Variants in CDH22 observed in about 807,000 individuals in gnomAD.
CDH22 encodes the protein cadherin-22.
CDH22 carries 30 observed loss-of-function variants against 58.4 expected under a neutral mutation model. The observed-to-expected ratio is 0.51, with a 90% CI of 0.38 to 0.70. CDH22 has a LOEUF of 0.70. Ranked by LOEUF, CDH22 falls within the 30% of genes least tolerant of loss-of-function variation. The pLI is 0.00. For synonymous variants in CDH22, 513 were observed against 558.2 expected (o/e 0.92, Z 1.14); for missense variants, 1,014 against 1,233.9 (o/e 0.82, Z 2.67).
intron 4 of CDH22, among the ~76,000 whole-genome samples, chr20:46,223,819 TTCCTTCCTTCC>T (rs2086151409): frequency 4.2e-4 from 1 of 2,380 alleles, no homozygotes; most frequent in Admixed American, 3.0e-3. Flanking sequence ...TCTTCCTTTC[TTCCTTCCTTCC>T]TTCCTTCCTT....
At chr20:46,227,350 C>T (rs1427927829) in intron 4 of CDH22, among the ~76,000 whole-genome samples, 158 bp downstream of exon 4, 1 of 152,188 alleles carries the variant, frequency 6.6e-6, no homozygotes, top group Non-Finnish European at 1.5e-5. Flanking sequence ...TCCCTCTCCG[C>T]GACCCTGGAC....
intron 4 of CDH22, among the ~76,000 whole-genome samples, chr20:46,226,993 A>G (rs1435185226): frequency 6.6e-6 from 1 of 152,218 alleles, no homozygotes; most frequent in East Asian, 1.9e-4. Flanking sequence ...TAAGCAAGAA[A>G]GAAGCCACTC....
chr20:46,181,794 T>TC (rs1320585060), intron 10 of CDH22, among the ~76,000 whole-genome samples: 1,517 of 112,974 alleles, frequency 0.013, 86 homozygotes, highest in African/African-American at 0.021. Context: ...TTTCTTTCTT[T>TC]TCTCTCTCTT....
At chr20:46,285,324 A>G (rs1448313763) in intron 1 of CDH22, among the ~76,000 whole-genome samples, 2 of 152,180 alleles carry the variant, frequency 1.3e-5, no homozygotes, top group Non-Finnish European at 2.9e-5. Flanking sequence ...CTCCCCCACC[A>G]CAATGTAGAC....
In CDH22 at chr20:46,194,021, C is replaced by T. The variant is rs1440116717; in HGVS notation, c.1423+5402G>A. On this transcript the variant is annotated intron_variant, in intron 8 of 11. Transcript: ENST00000537909. ...AACAAACAAACAAACAAAAACCACA[C>T]ACACAAAAACAAAAAAATAGATGTC... Among the ~76,000 whole-genome samples, 7 of 152,252 alleles carry T rather than the reference C, an allele frequency of 4.6e-5. No individual in the cohort carries two copies. In the East Asian group the frequency reaches 7.7e-4, roughly 17 times the overall value.
rs2085730619 is a variant in CDH22, at chr20:46,175,307, A to G, written c.1916-230T>C. Among the ~76,000 whole-genome samples the G allele has an allele frequency of 2.6e-5, 4 of 152,298 alleles. No homozygotes were observed. The South Asian group carries it at 8.3e-4, about 32-fold the overall frequency. On this transcript the variant is annotated intron_variant, in intron 11 of 11. Transcript: ENST00000537909. ...CTCGGGAGGTATGCAAATCGAGGCT[A>G]GATTACTCTGGGGTGGAGGTGGCCA...
Position 46,223,679 on chromosome 20 carries a change from TTC to T in CDH22, c.670+3827_670+3828del, listed in dbSNP as rs1268744092. 2.8e-3 allele frequency among the ~76,000 whole-genome samples: 194 copies of T among 68,304 alleles called. 2 individuals carry two copies. The highest frequency in any genetic ancestry group is 0.024 in the South Asian group (49 of 2,048). The allele number at this position is 68,304 out of a possible 152,430, so 44.8% of individuals were successfully genotyped here. ...TCTTTTTCTTTCCTTCTTTCTTTCTTTCTTTCTTTCTTTCTTTCTTTCTTTCT... is the reference window on the plus strand; with the variant it reads ...TCTTTTTCTTTCCTTCTTTCTTTCTTTTTCTTTCTTTCTTTCTTTCTTTCT... On this transcript the variant is annotated intron_variant, in intron 4 of 11. Transcript: ENST00000537909.
chr20:46,284,410 A>AAAATTCAG (rs1464730642), intron 1 of CDH22, among the ~76,000 whole-genome samples: 4 of 152,224 alleles, frequency 2.6e-5, no homozygotes, highest in Non-Finnish European at 5.9e-5. Context: ...CCCACTGCAG[A>AAAATTCAG]AAATTCAGAC....
At chr20:46,181,759 CT>C (rs1299462989) in intron 10 of CDH22, among the ~76,000 whole-genome samples, 104 of 116,640 alleles carry the variant, frequency 8.9e-4, no homozygotes, top group African/African-American at 2.9e-3. Context: ...TTCCTTCTTT[CT>C]TTCTTTCTTT....
chr20:46,269,071 C>A (rs994203054), intron 1 of CDH22, among the ~76,000 whole-genome samples: 3 of 152,180 alleles, frequency 2.0e-5, no homozygotes, highest in African/African-American at 7.2e-5. Context: ...ATTGATCAGG[C>A]CCTGTGACCC....
chr20:46,248,329 C>T (rs1342377669), intron 2 of CDH22, among the ~76,000 whole-genome samples: 1 of 152,098 alleles, frequency 6.6e-6, no homozygotes, highest in East Asian at 1.9e-4. Flanking sequence ...TTTGCAGAGC[C>T]CCAGCTGCTG....
At position 46,186,655 on chromosome 20, in the gene CDH22, G is replaced by A. The variant is rs144777361; in HGVS notation, c.1596C>T (p.His532=). The A allele has an allele frequency of 6.2e-7, 1 of 1,613,578 alleles. No homozygotes were observed. The highest frequency in any genetic ancestry group is 1.1e-5 in the South Asian group (1 of 91,062). Residue 532 remains histidine, a synonymous_variant, in exon 10 of 12, where the codon CAC becomes CAT. Coordinates refer to ENST00000537909, the MANE Select transcript of CDH22 (RefSeq NM_021248.3). ...CAGGCACCAGGCGGAAATAGAAGCG[G>A]TGCCCGCCTTGGGGCTCGTCTCTGT... is the stretch of plus-strand genomic sequence containing the variant. ...VVDRDEPQGG[H]RFYFRLVPEA... is the part of the protein sequence containing the mutation.
intron 11 of CDH22, among the ~76,000 whole-genome samples, chr20:46,175,490 C>T (rs1454818827): frequency 6.6e-6 from 1 of 152,120 alleles, no homozygotes; most frequent in Non-Finnish European, 1.5e-5. Context: ...AGATGTCCTT[C>T]ACCCTGACCT....
intron 1 of CDH22, among the ~76,000 whole-genome samples, chr20:46,289,147 C>G (rs1252657263): frequency 1.3e-5 from 2 of 152,292 alleles, no homozygotes; most frequent in East Asian, 3.9e-4. Context: ...GGCCTTTGCA[C>G]TTGCTGGTCC....
At chr20:46,281,017 A>G (rs1013902281) in intron 1 of CDH22, among the ~76,000 whole-genome samples, 1 of 152,146 alleles carries the variant, frequency 6.6e-6, no homozygotes, top group African/African-American at 2.4e-5. Flanking sequence ...AGTCACCACA[A>G]TCTAACTGGG....
intron 8 of CDH22, among the ~76,000 whole-genome samples, chr20:46,193,698 C>T (rs988692300): frequency 3.9e-5 from 6 of 152,188 alleles, no homozygotes; most frequent in African/African-American, 1.4e-4. Context: ...CCTGGCCACA[C>T]CCAGCCTCTC....
chr20:46,215,522 G>A (rs2086077533), intron 5 of CDH22, among the ~76,000 whole-genome samples: 1 of 152,202 alleles, frequency 6.6e-6, no homozygotes, highest in Admixed American at 6.5e-5. Context: ...TGGCTAACTG[G>A]AGGGAGGAGT....
chr20:46,216,806 T>G lies in CDH22; in HGVS notation c.838+20A>C, dbSNP rs768648833. ...AGACAGACACACAGACGCGCCTTCC[T>G]CTGGGAAGGCCTCACTCACTCTGCG... On this transcript the variant is annotated intron_variant, in intron 5 of 11. Coordinates refer to ENST00000537909, the MANE Select transcript of CDH22 (RefSeq NM_021248.3). The surrounding 1 kb of genome is among the most constrained non-coding windows in gnomAD (Gnocchi z 5.3). The G allele has an allele frequency of 5.7e-6, 9 of 1,582,486 alleles. No individual in the cohort carries two copies. The highest frequency in any genetic ancestry group is 3.4e-5 in the Admixed American group (2 of 59,514).
At chr20:46,290,537 C>A (rs558538595) in intron 1 of CDH22, among the ~76,000 whole-genome samples, 4 of 152,274 alleles carry the variant, frequency 2.6e-5, no homozygotes, top group African/African-American at 9.6e-5. Flanking sequence ...TCCAAGTGGG[C>A]CAGGAGTCAG....
Sources: allele counts gnomAD v4.1 joint callset (sites outside exome capture counted in the v4.1 genomes callset), GRCh38; gene constraint gnomAD v4.1.1; non-coding constraint Gnocchi (gnomAD v3.1); transcripts MANE v1.5; gene names NCBI Gene and HGNC (gene_info 2026-07-23, HGNC 2026-07-21).